Variants in NUP160 observed in about 807,000 individuals in gnomAD.
The protein encoded by NUP160 is nucleoporin 160.
A neutral mutation model predicts 196.9 loss-of-function variants in NUP160; 94 were observed. That is an observed-to-expected ratio of 0.48 (90% CI 0.40 to 0.57). The LOEUF (loss-of-function observed/expected upper bound fraction) is 0.57. Among genes scored for constraint, NUP160 ranks in the 20% least tolerant of loss-of-function variants. The pLI is 0.00. For missense variants in NUP160, 1,638 were observed against 1,748.3 expected (o/e 0.94, Z 1.13); for synonymous variants, 605 against 619.7 (o/e 0.98, Z 0.35).
At chr11:47,808,676 A>C in intron 17 of NUP160, 147 bp from the exon 18 acceptor site, 1 of 527,284 alleles carries the variant, frequency 1.9e-6, no homozygotes, top group Non-Finnish European at 3.1e-6. Flanking sequence ...TACGGTAGCA[A>C]GTGGCAAAAT....
rs769937243 is a variant in NUP160, at chr11:47,808,478, G to A, written c.2293C>T (p.Arg765Ter). ...TAAGATAAGAGTAGGGGAGCTGTTC[G>A]ATGTAGTAGGTCTTGCTGAGCTTGA... The change falls in exon 18 of 36, where the codon CGA (arginine) becomes TGA (stop). Residue 765 changes from arginine (R) to a stop codon, truncating the protein, a stop_gained. Coordinates refer to ENST00000378460, the Ensembl canonical transcript of NUP160. LOFTEE classifies it high-confidence loss of function. 3 of 1,613,906 alleles carry A rather than the reference G, an allele frequency of 1.9e-6. No homozygotes were observed. Among genetic ancestry groups the A allele is most frequent in the East Asian group, 2.2e-5 (1 of 44,870 alleles).
intron 7 of NUP160, among the ~76,000 whole-genome samples, chr11:47,835,010 G>A (rs1852146780): frequency 6.6e-6 from 1 of 152,138 alleles, no homozygotes; most frequent in East Asian, 1.9e-4. Context: ...CCCAACAGAA[G>A]TGAGAAGGGC....
At chr11:47,789,584 T>C (rs533994818) in intron 29 of NUP160, among the ~76,000 whole-genome samples, 35 of 152,274 alleles carry the variant, frequency 2.3e-4, no homozygotes, top group Non-Finnish European at 3.1e-4. Flanking sequence ...ATTTTCGAAG[T>C]GCTACCAGAC....
At chr11:47,831,894 CTTTTTTTTTTTTTTTTTT>C (rs554204043) in intron 7 of NUP160, among the ~76,000 whole-genome samples, 1 of 69,982 alleles carries the variant, frequency 1.4e-5, no homozygotes, top group Non-Finnish European at 2.3e-5. Context: ...TAATAAATTC[CTTTTTTTTTTTTTTTTTT>C]TTTTTTTTGA....
At chr11:47,798,941 T>TA (rs57343652) in intron 23 of NUP160, among the ~76,000 whole-genome samples, 9,757 of 111,904 alleles carry the variant, frequency 0.087, 409 homozygotes, top group African/African-American at 0.14. Flanking sequence ...TCTCTATTAT[T>TA]AAAAAAAAAA....
At chr11:47,798,249 G>A (rs2097671999) in exon 25 of NUP160, 4 of 1,608,858 alleles carry the variant, frequency 2.5e-6, no homozygotes, top group Non-Finnish European at 3.4e-6. Flanking sequence ...GAAAATACAT[G>A]TCCTTAGAGT....
intron 7 of NUP160, among the ~76,000 whole-genome samples, chr11:47,831,842 C>CAAAAAAAAAAAAA (rs372159602): frequency 2.1e-4 from 14 of 66,682 alleles, no homozygotes; most frequent in African/African-American, 8.5e-4. Context: ...GACTCTCTCT[C>CAAAAAAAAAAAAA]AAAAAAAAAA....
At chr11:47,797,992 T>G in exon 26 of NUP160, 1 of 1,577,752 alleles carries the variant, frequency 6.3e-7, no homozygotes, top group Non-Finnish European at 8.6e-7. Context: ...TTATGCAGAT[T>G]CACATAGGGA....
At chr11:47,817,640 C>T (rs897586812) in intron 11 of NUP160, among the ~76,000 whole-genome samples, 5 of 152,190 alleles carry the variant, frequency 3.3e-5, no homozygotes, top group African/African-American at 7.2e-5. Context: ...CCACCACGCC[C>T]GGCCTAGAGT....
intron 6 of NUP160, 63 bp downstream of exon 6, chr11:47,836,824 A>T: frequency 1.0e-6 from 1 of 1,003,020 alleles, no homozygotes; most frequent in Non-Finnish European, 1.6e-6. Flanking sequence ...AGCAAAATTT[A>T]CTTCAATTCT....
At chr11:47,780,373 T>C (rs1599298817) in exon 35 of NUP160, 1 of 1,613,582 alleles carries the variant, frequency 6.2e-7, no homozygotes, top group Non-Finnish European at 8.5e-7. Context: ...CACTGTTCTC[T>C]CCCAGAGCTT....
chr11:47,812,198 G>A, exon 17 of NUP160: 3 of 1,614,158 alleles, frequency 1.9e-6, no homozygotes, highest in Non-Finnish European at 2.5e-6. Context: ...AGCTGGGTAA[G>A]ATTCATTCGA....
intron 9 of NUP160, among the ~76,000 whole-genome samples, chr11:47,820,630 C>T (rs1276042507): frequency 6.6e-6 from 1 of 152,102 alleles, no homozygotes; most frequent in Non-Finnish European, 1.5e-5. Context: ...TGGCTCACTG[C>T]AACCTCCGTC....
rs2097668971 is a variant in NUP160, at chr11:47,793,305, G to C, written c.3290-359C>G. The stretch of plus-strand genomic sequence containing the variant: ...CAGCCTTCCAAAATTTGTTTCTCTA[G>C]AGATACGCAGGGAGAATGCTATCCC... On this transcript the variant is annotated intron_variant, in intron 27 of 35. Coordinates refer to ENST00000378460, the Ensembl canonical transcript of NUP160. Among the ~76,000 whole-genome samples, 4 of 152,022 alleles carry C rather than the reference G, an allele frequency of 2.6e-5. No individual in the cohort carries two copies. The South Asian group carries it at 8.3e-4, about 31-fold the overall frequency.
chr11:47,809,514 T>C (rs1250531672), intron 17 of NUP160, among the ~76,000 whole-genome samples: 2 of 152,138 alleles, frequency 1.3e-5, no homozygotes, highest in East Asian at 3.9e-4. Flanking sequence ...TTTGTGAGGC[T>C]GAGGCAGGCA....
intron 24 of NUP160, 37 bp downstream of exon 24, chr11:47,798,331 C>G: frequency 6.4e-7 from 1 of 1,555,880 alleles, no homozygotes; most frequent in Non-Finnish European, 8.9e-7. Flanking sequence ...CCACAACAAA[C>G]CTTAAAGAAA....
chr11:47,794,268 C>T (rs570962721), intron 27 of NUP160, among the ~76,000 whole-genome samples: 1 of 152,108 alleles, frequency 6.6e-6, no homozygotes, highest in African/African-American at 2.4e-5. Context: ...CCAAGACGGG[C>T]GGATCATGAG....
intron 10 of NUP160, among the ~76,000 whole-genome samples, chr11:47,818,819 A>G (rs924939604): frequency 6.6e-6 from 1 of 152,206 alleles, no homozygotes; most frequent in African/African-American, 2.4e-5. Flanking sequence ...CCAGTAGTTA[A>G]CTGGAACAAT....
At chr11:47,841,112 C>A (rs1393844349) in intron 2 of NUP160, among the ~76,000 whole-genome samples, 1 of 152,122 alleles carries the variant, frequency 6.6e-6, no homozygotes, top group South Asian at 2.1e-4. Flanking sequence ...AAAATACCTT[C>A]GCAAATTGAA....
Sources: gnomAD v4.1 joint callset for allele counts (sites outside exome capture counted in the v4.1 genomes callset) on GRCh38, gnomAD v4.1.1 for gene constraint, MANE v1.5 for transcripts, NCBI Gene and HGNC (gene_info 2026-07-23, HGNC 2026-07-21) for gene names.